Variants in DMD observed in about 807,000 individuals in gnomAD.
The protein encoded by DMD is dystrophin.
In DMD, 63 loss-of-function variants were observed where a neutral mutation model predicts 330.1. The observed-to-expected ratio is 0.19, with a 90% CI of 0.16 to 0.24. DMD has a LOEUF of 0.24. DMD is among the 10% of genes least tolerant of loss of function. The pLI is 1.00. For synonymous variants in DMD, 1,223 were observed against 959.8 expected, an observed-to-expected ratio of 1.27 and a Z score of -5.07; for missense variants, 3,344 against 2,684.1, an observed-to-expected ratio of 1.25 and a Z score of -5.43.
intron 9 of DMD, among the ~76,000 whole-genome samples, chrX:32,666,248 G>C (rs184226935): frequency 2.0e-4 from 22 of 110,810 alleles, no homozygotes; most frequent in Admixed American, 1.8e-3. Context: ...GTGCAGGTTT[G>C]TTACATAAAT....
chrX:32,178,205 T>C (rs1179768985), intron 44 of DMD, among the ~76,000 whole-genome samples: 4 of 108,923 alleles, frequency 3.7e-5, no homozygotes, highest in African/African-American at 1.3e-4. Context: ...CATTTTTTTT[T>C]TTTTTACAAC....
intron 2 of DMD, among the ~76,000 whole-genome samples, chrX:32,946,634 T>C (rs1328896311): frequency 2.7e-5 from 3 of 112,584 alleles, no homozygotes; most frequent in African/African-American, 9.7e-5. Context: ...ACAAAACAGA[T>C]ATATCAAATT....
intron 54 of DMD, among the ~76,000 whole-genome samples, chrX:31,653,276 T>C (rs1056718189): frequency 9.0e-6 from 1 of 111,521 alleles, no homozygotes; most frequent in Admixed American, 9.5e-5. Flanking sequence ...TACAAAACAG[T>C]ATTATAAAGA....
intron 47 of DMD, among the ~76,000 whole-genome samples, chrX:31,880,798 C>T (rs1330902864): frequency 8.9e-6 from 1 of 112,186 alleles, no homozygotes; most frequent in African/African-American, 3.2e-5. Flanking sequence ...TACTGCACTG[C>T]CAGTTATATA....
At chrX:32,987,734 G>A (rs2092880996) in intron 2 of DMD, among the ~76,000 whole-genome samples, 1 of 110,573 alleles carries the variant, frequency 9.0e-6, no homozygotes, top group African/African-American at 3.3e-5. Context: ...AGGCACAGGT[G>A]AACAAAATCT....
chrX:32,190,548 TTTTATATATATA>T (rs1385386399), intron 44 of DMD, among the ~76,000 whole-genome samples: 1 of 32,447 alleles, frequency 3.1e-5, no homozygotes, highest in Non-Finnish European at 5.5e-5. Flanking sequence ...ATATTTAAAA[TTTTATATATATA>T]TATATATATA....
At position 31,478,995 on chromosome X, in the gene DMD, G is replaced by C. The variant is rs201361100; in HGVS notation, c.8656C>G (p.Gln2886Glu). 21 of 1,207,586 alleles carry C rather than the reference G, an allele frequency of 1.7e-5. No individual in the cohort carries two copies. In the African/African-American group the frequency reaches 3.5e-4, roughly 20 times the overall value. Residue 2886 changes from glutamine (Q) to glutamate (E), a missense_variant, in exon 58 of 79, where the codon CAG becomes GAG. Gln to Glu is a conservative substitution (Grantham distance 29). Transcript: ENST00000357033. Reference protein sequence around the residue: ...QPLEGLEKLYQEPRELPPEER... With the variant: ...QPLEGLEKLYEEPRELPPEER... ...CACATTCAATTACCTCTGGGCTCCT[G>C]GTAGAGTTTCTCTAGTCCTTCCAAA...
chrX:32,419,277 C>T (rs936339874), intron 29 of DMD, among the ~76,000 whole-genome samples: 2 of 111,605 alleles, frequency 1.8e-5, no homozygotes, highest in Non-Finnish European at 3.8e-5. Context: ...AATAATTTAC[C>T]AATGCTCATA....
At chrX:33,045,829 G>A (rs1335753660) in intron 1 of DMD, among the ~76,000 whole-genome samples, 2 of 111,756 alleles carry the variant, frequency 1.8e-5, no homozygotes, top group Non-Finnish European at 3.8e-5. Context: ...AGGGGTCTGA[G>A]CATCTCATCA....
At chrX:32,411,194 A>G (rs1023256516) in intron 30 of DMD, among the ~76,000 whole-genome samples, 16 of 111,550 alleles carry the variant, frequency 1.4e-4, no homozygotes, top group African/African-American at 5.2e-4. Flanking sequence ...ACAGTGGTGC[A>G]ATCTCGGCTC....
Position 32,028,041 on chromosome X carries a change from A to G in DMD, c.6439-59527T>C, listed in dbSNP as rs181022273. Among the ~76,000 whole-genome samples, 186 of 112,399 alleles carry G rather than the reference A, an allele frequency of 1.7e-3. 2 individuals are homozygous for G. Among genetic ancestry groups the G allele is most frequent in the African/African-American group, 5.3e-3 (165 of 31,000 alleles). The stretch of plus-strand genomic sequence containing the variant: ...AAGAAGAGAGGCAGGAGAGGGAGGG[A>G]GAGCCAGTGGTGAAGAGACTGCTGA... On this transcript the variant is annotated intron_variant, in intron 44 of 78. Coordinates refer to ENST00000357033, the MANE Select transcript of DMD (RefSeq NM_004006.3).
At chrX:33,292,708 G>A (rs2053530312) in intron 1 of DMD, among the ~76,000 whole-genome samples, 2 of 110,975 alleles carry the variant, frequency 1.8e-5, no homozygotes, top group Non-Finnish European at 3.8e-5. Context: ...AATATACAAA[G>A]GAGGAGATGA....
chrX:32,717,224 C>G (rs73458816), intron 7 of DMD, among the ~76,000 whole-genome samples: 1 of 111,263 alleles, frequency 9.0e-6, no homozygotes, highest in Non-Finnish European at 1.9e-5. Flanking sequence ...GCAGCCCCTC[C>G]TATCACAGGT....
At chrX:33,179,702 A>G (rs2049879873) in intron 1 of DMD, among the ~76,000 whole-genome samples, 1 of 110,760 alleles carries the variant, frequency 9.0e-6, no homozygotes, top group Admixed American at 9.6e-5. Flanking sequence ...TCAAAAAAAA[A>G]AAAAGAAAGA....
intron 1 of DMD, among the ~76,000 whole-genome samples, chrX:33,293,894 A>T (rs1348319721): frequency 9.0e-6 from 1 of 111,373 alleles, no homozygotes; most frequent in Non-Finnish European, 1.9e-5. Flanking sequence ...TCTCATTTTC[A>T]TGGTCTTAGC....
chrX:31,609,157 TAA>T (rs2148282687), intron 55 of DMD, among the ~76,000 whole-genome samples: 1 of 111,323 alleles, frequency 9.0e-6, no homozygotes, highest in Non-Finnish European at 1.9e-5. Context: ...GATTCTTGTA[TAA>T]GGAATTAAAA....
chrX:31,259,211 A>G (rs73464369), intron 63 of DMD, among the ~76,000 whole-genome samples: 17,238 of 111,565 alleles, frequency 0.15, 1,256 homozygotes, highest in African/African-American at 0.26. Context: ...CTGTAATTAG[A>G]GTAGGAAATG....
intron 7 of DMD, among the ~76,000 whole-genome samples, chrX:32,708,472 C>A (rs1410700231): frequency 9.0e-6 from 1 of 110,971 alleles, no homozygotes; most frequent in African/African-American, 3.3e-5. Flanking sequence ...TAGTATCTTG[C>A]AAATAATTAG....
intron 60 of DMD, among the ~76,000 whole-genome samples, chrX:31,352,071 A>G (rs1272795403): frequency 9.0e-6 from 1 of 111,519 alleles, no homozygotes; most frequent in African/African-American, 3.3e-5. Context: ...TAAATATTTA[A>G]TAAGTAATTG....
Sources: allele counts gnomAD v4.1 joint callset (sites outside exome capture counted in the v4.1 genomes callset), GRCh38; gene constraint gnomAD v4.1.1; transcripts MANE v1.5; gene names NCBI Gene and HGNC (gene_info 2026-07-23, HGNC 2026-07-21).